LHFPL3: variants seen among roughly 807,000 people sequenced by gnomAD.
LHFPL3 encodes LHFPL tetraspan subfamily member 3, also known as LHFPL tetraspan subfamily member 3 protein.
Under a neutral mutation model 19.3 loss-of-function variants are expected in LHFPL3, and 5 were observed. The observed-to-expected ratio is 0.26, with a 90% confidence interval of 0.14 to 0.54. The LOEUF (loss-of-function observed/expected upper bound fraction) is 0.54, where lower values mean the gene tolerates loss of function less well. LHFPL3 is among the 20% of genes least tolerant of loss of function. LHFPL3 has a pLI of 0.94. For missense variants in LHFPL3, 249 were observed against 307.4 expected, an observed-to-expected ratio of 0.81 and a Z score of 1.42; for synonymous variants, 133 against 126.2, an observed-to-expected ratio of 1.05 and a Z score of -0.36.
chr7:104,692,218 G>A (rs1444549580), intron 1 of LHFPL3, among the ~76,000 whole-genome samples: 1 of 152,160 alleles, frequency 6.6e-6, no homozygotes, highest in African/African-American at 2.4e-5. Flanking sequence ...TGTTTAAAAG[G>A]GAAGCAGAGC....
chr7:104,590,357 C>T (rs971817499), intron 1 of LHFPL3, among the ~76,000 whole-genome samples: 22 of 152,142 alleles, frequency 1.4e-4, no homozygotes, highest in African/African-American at 2.4e-4. Flanking sequence ...TTTCTGCCTT[C>T]ATTTCATTAT....
intron 2 of LHFPL3, among the ~76,000 whole-genome samples, chr7:104,749,734 C>T (rs9718351): frequency 0.2 from 30,959 of 151,300 alleles, 1,283 homozygotes; most frequent in Non-Finnish European, 0.23. Context: ...CAATATGACC[C>T]TTTTCTAACT....
intron 1 of LHFPL3, among the ~76,000 whole-genome samples, chr7:104,417,889 T>C (rs1399142161): frequency 1.3e-5 from 2 of 149,510 alleles, no homozygotes; most frequent in African/African-American, 4.9e-5. Flanking sequence ...TTCTTCTTTT[T>C]TTTTTTTTTT....
At chr7:104,707,175 T>C (rs530669086) in intron 1 of LHFPL3, among the ~76,000 whole-genome samples, 6 of 152,304 alleles carry the variant, frequency 3.9e-5, no homozygotes, top group Admixed American at 6.5e-5. Flanking sequence ...GAGACCTAGA[T>C]TCATGCTCCA....
rs150357935 is a variant in LHFPL3, at chr7:104,379,125, G to A, written c.445+49901G>A. 1.6e-3 allele frequency among the ~76,000 whole-genome samples: 239 copies of A among 152,292 alleles called. 1 individual carries two copies. Among genetic ancestry groups the A allele is most frequent in the African/African-American group, 5.4e-3 (224 of 41,560 alleles). On this transcript the variant is annotated intron_variant, in intron 1 of 2. Transcript: ENST00000424859. ...GCACAGAAGTTTTGAAAGAAATATTGCCAGATGGCCCGAAGATACAGACTT... is the reference window on the plus strand; with the variant it reads ...GCACAGAAGTTTTGAAAGAAATATTACCAGATGGCCCGAAGATACAGACTT...
At chr7:104,631,238 GATAACTGGAAT>G (rs1791634762) in intron 1 of LHFPL3, among the ~76,000 whole-genome samples, 1 of 152,244 alleles carries the variant, frequency 6.6e-6, no homozygotes, top group South Asian at 2.1e-4. Context: ...GTAATAAATT[GATAACTGGAAT>G]ATCTTGCCCT....
At chr7:104,841,150 C>T (rs1791194522) in intron 2 of LHFPL3, among the ~76,000 whole-genome samples, 2 of 152,162 alleles carry the variant, frequency 1.3e-5, no homozygotes, top group African/African-American at 4.8e-5. Flanking sequence ...CATTGATCTT[C>T]CTTTTCTCTA....
chr7:104,546,311 C>G (rs1305906510), intron 1 of LHFPL3, among the ~76,000 whole-genome samples: 1 of 152,094 alleles, frequency 6.6e-6, no homozygotes, highest in African/African-American at 2.4e-5. Flanking sequence ...ATACATGAAT[C>G]CATAGCAATA....
chr7:104,551,582 A>G (rs1181182593), intron 1 of LHFPL3, among the ~76,000 whole-genome samples: 3 of 152,048 alleles, frequency 2.0e-5, no homozygotes, highest in African/African-American at 4.8e-5. Flanking sequence ...TTATTCACAA[A>G]TGCCTTCACT....
At position 104,558,778 on chromosome 7, in the gene LHFPL3, G is replaced by C. The variant is rs1474616667; in HGVS notation, c.446-177897G>C. Among the ~76,000 whole-genome samples the C allele has an allele frequency of 2.0e-5, 3 of 146,682 alleles. 1 individual carries two copies. Among genetic ancestry groups the C allele is most frequent in the African/African-American group, 8.1e-5 (3 of 36,854 alleles). On this transcript the variant is annotated intron_variant, in intron 1 of 2. Transcript: ENST00000424859. ...CCATGCCTATGTCCTGAATGGTATTGCCTAGGTTTTCTTCTAGGGTTTTTA... is the reference window on the plus strand; with the variant it reads ...CCATGCCTATGTCCTGAATGGTATTCCCTAGGTTTTCTTCTAGGGTTTTTA...
chr7:104,505,337 A>T (rs1252846949), intron 1 of LHFPL3, among the ~76,000 whole-genome samples: 1 of 152,250 alleles, frequency 6.6e-6, no homozygotes, highest in Non-Finnish European at 1.5e-5. Flanking sequence ...GAGATATGGA[A>T]ATGAAAAGCT....
chr7:104,886,992 A>G (rs1584598749), intron 2 of LHFPL3, among the ~76,000 whole-genome samples: 1 of 152,252 alleles, frequency 6.6e-6, no homozygotes, highest in South Asian at 2.1e-4. Context: ...TGCTCTGAAC[A>G]TTTAACTGTG....
chr7:104,517,965 T>C (rs1030993575), intron 1 of LHFPL3, among the ~76,000 whole-genome samples: 2 of 152,090 alleles, frequency 1.3e-5, no homozygotes, highest in African/African-American at 4.8e-5. Flanking sequence ...TGTATACCTA[T>C]GTAACAAAAC....
At chr7:104,614,266 T>C (rs1226130331) in intron 1 of LHFPL3, among the ~76,000 whole-genome samples, 1 of 152,180 alleles carries the variant, frequency 6.6e-6, no homozygotes, top group Admixed American at 6.6e-5. Flanking sequence ...TCATAAGAGT[T>C]ATCCCAATTA....
chr7:104,846,632 C>T (rs573964316), intron 2 of LHFPL3, among the ~76,000 whole-genome samples: 1 of 152,114 alleles, frequency 6.6e-6, no homozygotes, highest in East Asian at 1.9e-4. Context: ...CTTTATCCTC[C>T]TCTTCCCATC....
intron 1 of LHFPL3, among the ~76,000 whole-genome samples, chr7:104,708,308 A>G (rs1475645226): frequency 2.0e-5 from 3 of 152,222 alleles, no homozygotes; most frequent in Non-Finnish European, 4.4e-5. Context: ...TAGAGGAAAC[A>G]TATCTTTCAC....
chr7:104,491,223 CCAGGAATTCTGGTCATTTCCCTA>C (rs2115692754), intron 1 of LHFPL3, among the ~76,000 whole-genome samples: 1 of 152,118 alleles, frequency 6.6e-6, no homozygotes, highest in South Asian at 2.1e-4. Context: ...AATCAGATGA[CCAGGAATTCTGGTCATTTCCCTA>C]CAGAATACAC....
intron 2 of LHFPL3, among the ~76,000 whole-genome samples, chr7:104,795,262 A>ACAT (rs773280631): frequency 9.8e-4 from 150 of 152,346 alleles, no homozygotes; most frequent in Non-Finnish European, 6.6e-4. Flanking sequence ...AAGGAAATGC[A>ACAT]CATCACGAGC....
chr7:104,737,040 A>C, intron 2 of LHFPL3, 129 bp downstream of exon 2: 1 of 668,550 alleles, frequency 1.5e-6, no homozygotes, highest in Non-Finnish European at 2.6e-6. Context: ...AATACCGTGT[A>C]GCTTGCAGAC....
Sources: gnomAD v4.1 joint callset for allele counts (sites outside exome capture counted in the v4.1 genomes callset) on GRCh38, gnomAD v4.1.1 for gene constraint, MANE v1.5 for transcripts, NCBI Gene and HGNC (gene_info 2026-07-23, HGNC 2026-07-21) for gene names.